Variants in PSMF1 observed in about 807,000 individuals in gnomAD.
The protein encoded by PSMF1 is proteasome inhibitor subunit 1.
In PSMF1, 30 loss-of-function variants were observed where a neutral mutation model predicts 29.3. The observed-to-expected ratio is 1.02, with a 90% CI of 0.77 to 1.39. The LOEUF is 1.39. Among genes scored for constraint, PSMF1 ranks in the 40% most tolerant of loss-of-function variants. PSMF1 has a pLI of 0.00. For synonymous variants in PSMF1, 134 were observed against 139.7 expected, an observed-to-expected ratio of 0.96 and a Z score of 0.29; for missense variants, 344 against 357.5, an observed-to-expected ratio of 0.96 and a Z score of 0.31.
At chr20:1,127,606 T>G in intron 3 of PSMF1, 98 bp downstream of exon 3, 1 of 1,011,136 alleles carries the variant, frequency 9.9e-7, no homozygotes, top group Non-Finnish European at 1.5e-6. Context: ...TTAAGGAAGG[T>G]GAATGGAAGA....
rs2086764696 is a variant in PSMF1, at chr20:1,169,136, G to A, written c.*4056G>A. On this transcript the variant is annotated 3_prime_UTR_variant, in exon 7 of 7. Transcript: ENST00000335877. ...TACAAAAGGTAAATTTCTGTTTACTGCATCTGAACCCCAGGACTAATGCGT... is the reference window on the plus strand; with the variant it reads ...TACAAAAGGTAAATTTCTGTTTACTACATCTGAACCCCAGGACTAATGCGT... Among the ~76,000 whole-genome samples the A allele has an allele frequency of 6.6e-6, 1 of 152,090 alleles. No homozygotes were observed. Among genetic ancestry groups the A allele is most frequent in the Non-Finnish European group, 1.5e-5 (1 of 68,022 alleles).
At position 1,135,318 on chromosome 20, in the gene PSMF1, G is replaced by C; in HGVS notation, c.551+12G>C. ...CGGCAGCCTCCCTGGTGAGTACAGA[G>C]TGCCTAGCGGGAAGCCCATGCTTCT... On this transcript the variant is annotated intron_variant, in intron 4 of 6. Coordinates refer to ENST00000335877, the MANE Select transcript of PSMF1 (RefSeq NM_006814.5). 1 of 1,597,542 alleles carries C rather than the reference G, an allele frequency of 6.3e-7. No homozygotes were observed. The highest frequency in any genetic ancestry group is 8.5e-7 in the Non-Finnish European group (1 of 1,171,450).
Position 1,170,393 on chromosome 20 carries a change from C to T in PSMF1, c.*5313C>T, listed in dbSNP as rs1034705364. 3.3e-5 allele frequency among the ~76,000 whole-genome samples: 5 copies of T among 152,176 alleles called. No individual in the cohort carries two copies. Among genetic ancestry groups the T allele is most frequent in the Non-Finnish European group, 7.3e-5 (5 of 68,030 alleles). ...TGCATGAACTCTGATTCGAAGTTTT[C>T]GTTGATTTTACCCCCAGTATCCACT... is the stretch of plus-strand genomic sequence containing the variant. On this transcript the variant is annotated 3_prime_UTR_variant, in exon 7 of 7. Coordinates refer to ENST00000335877, the MANE Select transcript of PSMF1 (RefSeq NM_006814.5).
chr20:1,115,499 T>C (rs1255177035), upstream of PSMF1, among the ~76,000 whole-genome samples: 1 of 152,220 alleles, frequency 6.6e-6, no homozygotes, highest in Non-Finnish European at 1.5e-5. Flanking sequence ...TCAACTTCAT[T>C]GATAAAATTC....
intron 3 of PSMF1, among the ~76,000 whole-genome samples, chr20:1,133,339 A>C (rs533399857): frequency 6.6e-6 from 1 of 150,732 alleles, no homozygotes. Context: ...TTCTGTATCA[A>C]TTGATATGAT....
chr20:1,139,464 T>C lies in PSMF1; in HGVS notation c.551+4158T>C, dbSNP rs141048470. Among the ~76,000 whole-genome samples, 797 of 152,316 alleles carry C rather than the reference T, an allele frequency of 5.2e-3. 2 individuals are homozygous for C. The highest frequency in any genetic ancestry group is 0.031 in the Middle Eastern group (9 of 294). Reference sequence around the variant, plus strand: ...ATACCTCTATTTGTCAATGACGTGATATCTTGTATACAGAAAATCCTAAGG... The same window carrying C: ...ATACCTCTATTTGTCAATGACGTGACATCTTGTATACAGAAAATCCTAAGG... On this transcript the variant is annotated intron_variant, in intron 4 of 6. Coordinates refer to ENST00000335877, the MANE Select transcript of PSMF1 (RefSeq NM_006814.5).
chr20:1,142,214 G>A (rs573603608), intron 4 of PSMF1, among the ~76,000 whole-genome samples: 83 of 152,262 alleles, frequency 5.5e-4, no homozygotes, highest in Admixed American at 1.1e-3. Flanking sequence ...ACGACAGAGC[G>A]AGACTCCTTC....
At chr20:1,147,173 T>TCAC (rs5839897) in intron 4 of PSMF1, among the ~76,000 whole-genome samples, 37,300 of 110,488 alleles carry the variant, frequency 0.34, 4,876 homozygotes, top group Middle Eastern at 0.47. Context: ...ATCATCATCA[T>TCAC]CATCACCACC....
intron 3 of PSMF1, 92 bp from the exon 4 acceptor site, chr20:1,135,029 G>GGCCGCC: frequency 2.3e-6 from 3 of 1,316,426 alleles, no homozygotes; most frequent in South Asian, 1.2e-5. Flanking sequence ...GAGCTATCAG[G>GGCCGCC]GCCGCCGCCG....
At chr20:1,122,652 A>C (rs1352126159) in intron 1 of PSMF1, among the ~76,000 whole-genome samples, 1 of 152,154 alleles carries the variant, frequency 6.6e-6, no homozygotes. Context: ...CTGTGTACTT[A>C]GGCTACTTTC....
At position 1,150,895 on chromosome 20, in the gene PSMF1, G is replaced by C. The variant is rs184914369; in HGVS notation, c.552-12235G>C. Among the ~76,000 whole-genome samples the C allele has an allele frequency of 3.3e-5, 5 of 151,720 alleles. No individual in the cohort carries two copies. The South Asian group carries it at 1.0e-3, about 32-fold the overall frequency. ...TATATTTTCTCCTAGAAGCTTTAAT[G>C]GTTTACCTTTTATGTTTAGATCTAT... On this transcript the variant is annotated intron_variant, in intron 4 of 6. Transcript: ENST00000335877.
chr20:1,144,409 G>A (rs975050117), intron 4 of PSMF1, among the ~76,000 whole-genome samples: 18 of 152,188 alleles, frequency 1.2e-4, no homozygotes, highest in African/African-American at 4.3e-4. Context: ...GTTAGCTCCA[G>A]GAATCACACT....
intron 1 of PSMF1, 144 bp downstream of exon 1, chr20:1,119,046 C>A (rs748905856): frequency 8.3e-7 from 1 of 1,199,108 alleles, no homozygotes; most frequent in Non-Finnish European, 1.2e-6. Flanking sequence ...GTAAAACCTG[C>A]GGGTCGGAGG....
rs1195363360 is a variant in PSMF1, at chr20:1,167,763, A to G, written c.*2683A>G. 6.6e-6 allele frequency: 1 copy of G among 152,216 alleles called. No homozygotes were observed. The highest frequency in any genetic ancestry group is 2.4e-5 in the African/African-American group (1 of 41,456). 9.4% of individuals were successfully genotyped at this position (152,216 alleles called of 1,614,324 possible). On this transcript the variant is annotated 3_prime_UTR_variant, in exon 7 of 7. Transcript: ENST00000335877. ...GGGTTGTTTCTACAAAAAGGCTATTATGAGTAATGCAGCCAAGAACATTTG... is the reference window on the plus strand; with the variant it reads ...GGGTTGTTTCTACAAAAAGGCTATTGTGAGTAATGCAGCCAAGAACATTTG...
Position 1,165,356 on chromosome 20 carries a change from G to A in PSMF1, c.*276G>A. 1.5e-6 allele frequency: 2 copies of A among 1,353,580 alleles called. No individual in the cohort carries two copies. The highest frequency in any genetic ancestry group is 1.9e-6 in the Non-Finnish European group (2 of 1,053,976). The allele number at this position is 1,353,580 out of a possible 1,614,324, so 83.8% of individuals were successfully genotyped here. Reference sequence around the variant, plus strand: ...ACCAGCTCCTCTCCACTTCCCAAGGGAGACTCCGGCAACCTTCAGCAACAT... The same window carrying A: ...ACCAGCTCCTCTCCACTTCCCAAGGAAGACTCCGGCAACCTTCAGCAACAT... On this transcript the variant is annotated 3_prime_UTR_variant, in exon 7 of 7. Transcript: ENST00000335877.
At chr20:1,120,812 C>T (rs2086077510) in intron 1 of PSMF1, among the ~76,000 whole-genome samples, 2 of 152,164 alleles carry the variant, frequency 1.3e-5, no homozygotes, top group Non-Finnish European at 2.9e-5. Context: ...TACCTCACTC[C>T]CCTTACCTAC....
chr20:1,136,926 T>C (rs1290466148), intron 4 of PSMF1, among the ~76,000 whole-genome samples: 1 of 152,216 alleles, frequency 6.6e-6, no homozygotes, highest in Non-Finnish European at 1.5e-5. Context: ...TAGAAAAAAA[T>C]ACTTAGTGTT....
chr20:1,144,180 A>G (rs2086419664), intron 4 of PSMF1, among the ~76,000 whole-genome samples: 1 of 152,246 alleles, frequency 6.6e-6, no homozygotes, highest in Admixed American at 6.5e-5. Context: ...AAAGATGCTC[A>G]GCATTGTTAG....
At position 1,164,774 on chromosome 20, in the gene PSMF1, A is replaced by C. The variant is rs2086708157; in HGVS notation, c.765-255A>C. On this transcript the variant is annotated intron_variant, in intron 6 of 6. Transcript: ENST00000335877. The surrounding 1 kb of genome is among the most constrained non-coding windows in gnomAD (Gnocchi z 4.1). ...CAGAAACTCAGTGGATCCTTTCTTC[A>C]GCAGTCTTGGGTAGATGGTGGCGTC... Among the ~76,000 whole-genome samples, 1 of 152,204 alleles carries C rather than the reference A, an allele frequency of 6.6e-6. No individual in the cohort carries two copies. The highest frequency in any genetic ancestry group is 2.1e-4 in the South Asian group (1 of 4,834).
Sources: gnomAD v4.1 joint callset for allele counts (sites outside exome capture counted in the v4.1 genomes callset) on GRCh38, gnomAD v4.1.1 for gene constraint, Gnocchi (gnomAD v3.1) non-coding constraint, MANE v1.5 for transcripts, NCBI Gene and HGNC (gene_info 2026-07-23, HGNC 2026-07-21) for gene names.